EYS: variants seen among roughly 807,000 people sequenced by gnomAD.
The protein encoded by EYS is EGF-like photoreceptor maintenance factor.
EYS carries 250 observed loss-of-function variants against 282.1 expected under a neutral mutation model. That is an observed-to-expected ratio of 0.89 (90% CI 0.80 to 0.98). The LOEUF (loss-of-function observed/expected upper bound fraction) is 0.98, where lower values mean the gene tolerates loss of function less well. EYS is among the 50% of genes least tolerant of loss of function. EYS has a pLI of 0.00. For synonymous variants in EYS, 1,355 were observed against 1,282.9 expected (o/e 1.06, Z -1.20); for missense variants, 4,016 against 3,709.0 (o/e 1.08, Z -2.15).
At chr6:65,041,753 A>G (rs1772943306) in intron 13 of EYS, among the ~76,000 whole-genome samples, 1 of 151,542 alleles carries the variant, frequency 6.6e-6, no homozygotes, top group Admixed American at 6.6e-5. Flanking sequence ...CATGCTGTAT[A>G]TTTTCTATCT....
intron 31 of EYS, among the ~76,000 whole-genome samples, chr6:64,107,285 T>TTTTATA (rs1275963690): frequency 4.2e-4 from 43 of 101,508 alleles, no homozygotes; most frequent in African/African-American, 1.5e-3. Context: ...ATATATATAT[T>TTTTATA]TATATATATA....
chr6:64,130,677 G>T (rs1773945771), intron 31 of EYS, among the ~76,000 whole-genome samples: 1 of 151,780 alleles, frequency 6.6e-6, no homozygotes, highest in Non-Finnish European at 1.5e-5. Flanking sequence ...TCCGAACAAA[G>T]AGGGGAGAAG....
chr6:64,686,622 T>C (rs936962313), intron 22 of EYS, among the ~76,000 whole-genome samples: 28 of 148,736 alleles, frequency 1.9e-4, no homozygotes, highest in Non-Finnish European at 3.0e-5. Context: ...GCCCCTGTAG[T>C]CCCAGCTACT....
intron 26 of EYS, among the ~76,000 whole-genome samples, chr6:64,560,889 A>T (rs1241300837): frequency 6.6e-6 from 1 of 152,106 alleles, no homozygotes; most frequent in Non-Finnish European, 1.5e-5. Context: ...ACACAGCAAA[A>T]AAAGAAAACT....
chr6:65,186,230 T>G (rs1051207769), intron 12 of EYS, among the ~76,000 whole-genome samples: 2 of 151,780 alleles, frequency 1.3e-5, no homozygotes, highest in Non-Finnish European at 2.9e-5. Flanking sequence ...AAGATGGGAA[T>G]GAGAATTTAA....
chr6:64,273,733 GGTTAT>G (rs1768017760), intron 30 of EYS, among the ~76,000 whole-genome samples: 1 of 151,912 alleles, frequency 6.6e-6, no homozygotes. Flanking sequence ...CTGTGGTCAT[GGTTAT>G]TTGCAGCTTG....
intron 12 of EYS, among the ~76,000 whole-genome samples, chr6:65,222,307 A>G (rs1766487293): frequency 6.6e-6 from 1 of 152,168 alleles, no homozygotes; most frequent in Non-Finnish European, 1.5e-5. Flanking sequence ...CTTGGGAGGT[A>G]CAGAGTGGGA....
intron 1 of EYS, among the ~76,000 whole-genome samples, chr6:65,672,176 G>A (rs1768412621): frequency 6.6e-6 from 1 of 152,072 alleles, no homozygotes; most frequent in Admixed American, 6.6e-5. Context: ...AAGAATAAAA[G>A]GTGTGTCAAA....
At chr6:64,288,878 A>G (rs1768596320) in intron 30 of EYS, among the ~76,000 whole-genome samples, 3 of 152,008 alleles carry the variant, frequency 2.0e-5, no homozygotes, top group Non-Finnish European at 4.4e-5. Flanking sequence ...ATTTCCTTCT[A>G]AAGAGCAGAT....
At chr6:64,894,934 A>G (rs1767406806) in intron 18 of EYS, among the ~76,000 whole-genome samples, 1 of 152,144 alleles carries the variant, frequency 6.6e-6, no homozygotes, top group Admixed American at 6.6e-5. Context: ...TAGTAATAGG[A>G]CAATTTTTAC....
intron 29 of EYS, among the ~76,000 whole-genome samples, chr6:64,308,910 T>C (rs1379877387): frequency 6.6e-6 from 1 of 152,118 alleles, no homozygotes; most frequent in Admixed American, 6.6e-5. Context: ...TATGCTGCAG[T>C]TGGGAAAGTA....
intron 15 of EYS, among the ~76,000 whole-genome samples, chr6:64,931,526 G>A (rs1305029773): frequency 1.3e-5 from 2 of 151,846 alleles, no homozygotes; most frequent in East Asian, 3.9e-4. Flanking sequence ...TTCATTTGTT[G>A]TACATATAAA....
intron 36 of EYS, among the ~76,000 whole-genome samples, chr6:63,849,812 G>A (rs1270096933): frequency 3.9e-5 from 6 of 152,160 alleles, no homozygotes; most frequent in Non-Finnish European, 8.8e-5. Context: ...GAACAAAACT[G>A]GATGGAGAAT....
chr6:64,039,585 A>G (rs1285174554), intron 33 of EYS, among the ~76,000 whole-genome samples: 1 of 152,152 alleles, frequency 6.6e-6, no homozygotes, highest in South Asian at 2.1e-4. Flanking sequence ...TTGCAAATAT[A>G]CTGGTTACTA....
chr6:65,510,048 T>G (rs1337664884), intron 2 of EYS, among the ~76,000 whole-genome samples: 1 of 151,902 alleles, frequency 6.6e-6, no homozygotes, highest in Non-Finnish European at 1.5e-5. Flanking sequence ...TACTTTAAGT[T>G]TTAGGGTACA....
At chr6:64,798,797 C>G (rs146217536) in intron 22 of EYS, among the ~76,000 whole-genome samples, 81 of 151,770 alleles carry the variant, frequency 5.3e-4, no homozygotes, top group African/African-American at 1.7e-3. Flanking sequence ...TGCATTTGAA[C>G]CCACATAATT....
intron 5 of EYS, among the ~76,000 whole-genome samples, chr6:65,412,159 G>C (rs1474920840): frequency 6.6e-6 from 1 of 152,088 alleles, no homozygotes; most frequent in African/African-American, 2.4e-5. Context: ...AAACCATGAA[G>C]TGTGCCTTAC....
intron 13 of EYS, among the ~76,000 whole-genome samples, chr6:65,012,541 G>A (rs556307143): frequency 6.6e-6 from 1 of 152,200 alleles, no homozygotes; most frequent in East Asian, 1.9e-4. Flanking sequence ...AGGGATAAAG[G>A]TATAACACAA....
intron 13 of EYS, among the ~76,000 whole-genome samples, chr6:65,030,680 G>A (rs201103609): frequency 3.3e-5 from 5 of 152,278 alleles, no homozygotes; most frequent in East Asian, 3.9e-4. Context: ...GGTGCTTAAC[G>A]TTGAGAGGGT....
Sources: gnomAD v4.1 joint callset for allele counts (sites outside exome capture counted in the v4.1 genomes callset) on GRCh38, gnomAD v4.1.1 for gene constraint, MANE v1.5 for transcripts, NCBI Gene and HGNC (gene_info 2026-07-23, HGNC 2026-07-21) for gene names.